IKZF1: variants seen among roughly 807,000 people sequenced by gnomAD.
The protein encoded by IKZF1 is IKAROS family zinc finger 1, also known as DNA-binding protein Ikaros.
Under a neutral mutation model 51.7 loss-of-function variants are expected in IKZF1, and 10 were observed. The ratio of observed to expected loss-of-function variants is 0.19; its 90% CI spans 0.12 to 0.33. The LOEUF (loss-of-function observed/expected upper bound fraction) is 0.33, where lower values mean the gene tolerates loss of function less well. IKZF1 is among the 10% of genes least tolerant of loss of function. The pLI is 1.00. For synonymous variants in IKZF1, 280 were observed against 282.3 expected, an observed-to-expected ratio of 0.99 and a Z score of 0.08; for missense variants, 484 against 707.5, an observed-to-expected ratio of 0.68 and a Z score of 3.58.
chr7:50,400,115 C>G lies in IKZF1; in HGVS notation c.1048C>G (p.Leu350Val), dbSNP rs1479422076. 6.4e-6 allele frequency: 10 copies of G among 1,556,832 alleles called. No homozygotes were observed. In the East Asian group the frequency reaches 2.2e-4, roughly 34 times the overall value. ...VVPVISPMYQ[L>V]HKPLAEGTPR... ...CCCGGTCATCAGCCCGATGTACCAG[C>G]TGCACAAGCCGCTCGCGGAGGGCAC... The change falls in exon 8 of 8, where the codon CTG becomes GTG. Residue 350 changes from leucine to valine, a missense_variant. By Grantham distance (32) the Leu-to-Val change is conservative. Coordinates refer to ENST00000331340, the MANE Select transcript of IKZF1 (RefSeq NM_006060.6). This position sits in a 1 kb window ranked among gnomAD's most constrained non-coding sequence, Gnocchi z 5.4.
intron 3 of IKZF1, among the ~76,000 whole-genome samples, chr7:50,341,823 C>A (rs1326104166): frequency 1.3e-5 from 2 of 151,898 alleles, no homozygotes; most frequent in Non-Finnish European, 2.9e-5. Context: ...GTGTTTGAAA[C>A]CCCGGATGTA....
At chr7:50,322,269 G>A (rs979245966) in intron 2 of IKZF1, among the ~76,000 whole-genome samples, 3 of 152,084 alleles carry the variant, frequency 2.0e-5, no homozygotes, top group Admixed American at 1.3e-4. Flanking sequence ...TAGATTATAA[G>A]AAATCTTAAC....
Position 50,400,919 on chromosome 7 carries a change from A to C in IKZF1, c.*292A>C. ...ATTCCCTCACCTGTCGCTTCCTAGA[A>C]TCCCCTTCTCCAAACGATTAGTCTA... On this transcript the variant is annotated 3_prime_UTR_variant, in exon 8 of 8. Transcript: ENST00000331340. This position sits in a 1 kb window ranked among gnomAD's most constrained non-coding sequence, Gnocchi z 5.4. 1 of 479,644 alleles carries C rather than the reference A, an allele frequency of 2.1e-6. No homozygotes were observed. The highest frequency in any genetic ancestry group is 3.7e-6 in the Non-Finnish European group (1 of 269,016). The allele number at this position is 479,644 out of a possible 1,614,324, so 29.7% of individuals were successfully genotyped here.
chr7:50,337,051 G>A (rs1379056358), intron 3 of IKZF1, among the ~76,000 whole-genome samples: 4 of 152,144 alleles, frequency 2.6e-5, no homozygotes, highest in Non-Finnish European at 5.9e-5. Flanking sequence ...GTGTCTGGGG[G>A]TTGGCGGTGG....
rs934945698 is a variant in IKZF1, at chr7:50,309,894, G to A, written c.-15+4972G>A. Among the ~76,000 whole-genome samples the A allele has an allele frequency of 5.3e-5, 8 of 152,300 alleles. No individual in the cohort carries two copies. In the South Asian group the frequency reaches 1.7e-3, roughly 32 times the overall value. On this transcript the variant is annotated intron_variant, in intron 1 of 7. Coordinates refer to ENST00000331340, the MANE Select transcript of IKZF1 (RefSeq NM_006060.6). ...TGTAAGCTTACTTCTGAGGCACTCT[G>A]AAGTGTGTTCCAGTGCTTTTAATGG...
At chr7:50,322,665 C>T (rs1243781136) in intron 2 of IKZF1, among the ~76,000 whole-genome samples, 1 of 152,086 alleles carries the variant, frequency 6.6e-6, no homozygotes, top group African/African-American at 2.4e-5. Flanking sequence ...GCAGTCTTTC[C>T]AAAAATACGT....
At chr7:50,372,130 C>A (rs1209496021) in intron 3 of IKZF1, among the ~76,000 whole-genome samples, 2 of 152,176 alleles carry the variant, frequency 1.3e-5, no homozygotes, top group African/African-American at 4.8e-5. Context: ...AAACAGTAAG[C>A]AAGTTGCTTG....
chr7:50,345,830 G>C (rs1378676934), intron 3 of IKZF1, among the ~76,000 whole-genome samples: 1 of 152,208 alleles, frequency 6.6e-6, no homozygotes, highest in Admixed American at 6.5e-5. Flanking sequence ...TTGAGGTCAG[G>C]AGTTCGAGAC....
At chr7:50,359,190 G>A (rs1173117348) in intron 3 of IKZF1, among the ~76,000 whole-genome samples, 1 of 152,180 alleles carries the variant, frequency 6.6e-6, no homozygotes, top group African/African-American at 2.4e-5. Flanking sequence ...GAGCCCAAGA[G>A]GTCAAGACTG....
chr7:50,333,971 T>C (rs1283972832), intron 3 of IKZF1, among the ~76,000 whole-genome samples: 4 of 152,206 alleles, frequency 2.6e-5, no homozygotes, highest in African/African-American at 4.8e-5. Flanking sequence ...AAATATAGTA[T>C]TACAAAATGA....
At chr7:50,382,750 G>A (rs1268956309) in intron 5 of IKZF1, 43 bp downstream of exon 5, 2 of 1,566,650 alleles carry the variant, frequency 1.3e-6, no homozygotes, top group East Asian at 2.3e-5. Context: ...GGGTGTCCCG[G>A]GATTCCTCCA....
chr7:50,385,507 C>T (rs1271380096), intron 5 of IKZF1, among the ~76,000 whole-genome samples: 1 of 152,202 alleles, frequency 6.6e-6, no homozygotes, highest in Non-Finnish European at 1.5e-5. Context: ...GAAGTGATCT[C>T]CCTTCCTGCC....
intron 2 of IKZF1, among the ~76,000 whole-genome samples, chr7:50,320,919 A>G (rs1793089462): frequency 6.6e-6 from 1 of 152,246 alleles, no homozygotes; most frequent in Non-Finnish European, 1.5e-5. Context: ...ACATCCATGT[A>G]CTTCCACATA....
chr7:50,325,265 C>A (rs1253085938), intron 2 of IKZF1, among the ~76,000 whole-genome samples: 1 of 141,538 alleles, frequency 7.1e-6, no homozygotes, highest in African/African-American at 2.6e-5. Context: ...ACCCCCCAAC[C>A]CCCCGCTGCC....
At chr7:50,323,868 C>T (rs911166885) in intron 2 of IKZF1, among the ~76,000 whole-genome samples, 15 of 152,152 alleles carry the variant, frequency 9.9e-5, no homozygotes, top group Admixed American at 2.0e-4. Context: ...TTATCTTCAC[C>T]GCAACCCTGT....
At chr7:50,340,576 T>G (rs892652977) in intron 3 of IKZF1, among the ~76,000 whole-genome samples, 7 of 152,262 alleles carry the variant, frequency 4.6e-5, no homozygotes, top group Non-Finnish European at 7.3e-5. Context: ...AGTGCTGTTA[T>G]TATATTTCTA....
chr7:50,378,428 A>G (rs1467086974), intron 4 of IKZF1, among the ~76,000 whole-genome samples: 3 of 152,212 alleles, frequency 2.0e-5, no homozygotes, highest in Non-Finnish European at 2.9e-5. Context: ...CCTGTGATAG[A>G]CACTTAACAG....
intron 3 of IKZF1, among the ~76,000 whole-genome samples, chr7:50,353,925 C>G (rs566262152): frequency 6.6e-6 from 1 of 152,180 alleles, no homozygotes; most frequent in Non-Finnish European, 1.5e-5. Context: ...TCATGCCACA[C>G]TGGGACCCAG....
At chr7:50,388,185 AT>A (rs1192126887) in intron 6 of IKZF1, among the ~76,000 whole-genome samples, 2 of 152,330 alleles carry the variant, frequency 1.3e-5, no homozygotes, top group South Asian at 2.1e-4. Flanking sequence ...TTCTTCCCTA[AT>A]TTTTTAAGAG....
Sources: gnomAD v4.1 joint callset for allele counts (sites outside exome capture counted in the v4.1 genomes callset) on GRCh38, gnomAD v4.1.1 for gene constraint, Gnocchi (gnomAD v3.1) non-coding constraint, MANE v1.5 for transcripts, NCBI Gene and HGNC (gene_info 2026-07-23, HGNC 2026-07-21) for gene names.